The following MRTFB variants were observed in gnomAD, a reference collection of about 807,000 sequenced individuals.
The protein encoded by MRTFB is myocardin-related transcription factor B.
A neutral mutation model predicts 104.2 loss-of-function variants in MRTFB; 29 were observed. The ratio of observed to expected loss-of-function variants is 0.28; its 90% CI spans 0.21 to 0.38. The LOEUF is 0.38. MRTFB is among the 10% of genes least tolerant of loss of function. The pLI is 1.00. For synonymous variants in MRTFB, 535 were observed against 519.5 expected (o/e 1.03, Z -0.41); for missense variants, 1,270 against 1,341.6 (o/e 0.95, Z 0.83).
chr16:14,213,487 A>G (rs2041285112), intron 5 of MRTFB, 58 bp from the exon 6 acceptor site: 3 of 1,256,070 alleles, frequency 2.4e-6, no homozygotes, highest in Admixed American at 2.1e-5. Flanking sequence ...CTTAAAGAAC[A>G]TTTAAAACCA....
chr16:14,265,983 G>C lies in MRTFB; in HGVS notation c.*4539G>C, dbSNP rs937697612. 6 of 152,192 alleles carry C rather than the reference G, an allele frequency of 3.9e-5. No homozygotes were observed. The highest frequency in any genetic ancestry group is 1.4e-4 in the African/African-American group (6 of 41,452). 9.4% of individuals were successfully genotyped at this position (152,192 alleles called of 1,614,324 possible). On this transcript the variant is annotated 3_prime_UTR_variant, in exon 17 of 17. Transcript: ENST00000571589. ...TCTACGTGATGCTGTAAGGAATCTT[G>C]CTAATTTGGTAGGAAGAGGAAGCAT...
chr16:14,016,863 C>T, the MRTFB span, among the ~76,000 whole-genome samples: 4 of 149,296 alleles, frequency 2.7e-5, no homozygotes, highest in Non-Finnish European at 4.4e-5. Flanking sequence ...CAGATGTGAA[C>T]ATGTGATTCA....
chr16:14,160,465 C>T (rs2038987828), intron 3 of MRTFB, among the ~76,000 whole-genome samples: 1 of 152,054 alleles, frequency 6.6e-6, no homozygotes, highest in African/African-American at 2.4e-5. Flanking sequence ...GTGGCATTAC[C>T]CTGTTCCTAC....
chr16:14,095,045 A>C (rs951335418), intron 2 of MRTFB, among the ~76,000 whole-genome samples: 9 of 152,188 alleles, frequency 5.9e-5, no homozygotes, highest in African/African-American at 2.2e-4. Context: ...GTAGGTCTAA[A>C]ATAGTCTTCT....
At chr16:14,116,995 A>G (rs550510384) in intron 2 of MRTFB, among the ~76,000 whole-genome samples, 3 of 152,328 alleles carry the variant, frequency 2.0e-5, no homozygotes, top group African/African-American at 7.2e-5. Context: ...GGATAGACAG[A>G]TGAAGAGTCT....
chr16:14,081,790 C>T (rs1405147717), intron 2 of MRTFB, among the ~76,000 whole-genome samples: 3 of 149,668 alleles, frequency 2.0e-5, no homozygotes, highest in Non-Finnish European at 4.5e-5. Flanking sequence ...CCATGTTGCC[C>T]AGGCTGGTCT....
At chr16:14,243,580 G>A (rs1417143263) in intron 10 of MRTFB, among the ~76,000 whole-genome samples, 1 of 152,148 alleles carries the variant, frequency 6.6e-6, no homozygotes, top group Non-Finnish European at 1.5e-5. Flanking sequence ...TGGGGATCTC[G>A]TTTTAATACT....
At chr16:14,068,853 G>C (rs979448126), upstream of MRTFB, among the ~76,000 whole-genome samples, 36 of 151,054 alleles carry the variant, frequency 2.4e-4, no homozygotes, top group African/African-American at 8.5e-4. Context: ...ATCGCCATCA[G>C]TTGAGGGCCT....
At chr16:14,014,446 T>G in the MRTFB span, among the ~76,000 whole-genome samples, 3 of 151,758 alleles carry the variant, frequency 2.0e-5, no homozygotes, top group African/African-American at 7.3e-5. Context: ...GTCCCAGCTA[T>G]TTGGCAGGCT....
chr16:14,005,195 A>T, the MRTFB span, among the ~76,000 whole-genome samples: 1 of 152,238 alleles, frequency 6.6e-6, no homozygotes, highest in African/African-American at 2.4e-5. Flanking sequence ...GAGCCAGCTT[A>T]TTTCTACATT....
At chr16:14,192,208 C>CA (rs76148090) in intron 3 of MRTFB, among the ~76,000 whole-genome samples, 5,428 of 120,432 alleles carry the variant, frequency 0.045, 107 homozygotes, top group Non-Finnish European at 0.052. Flanking sequence ...TCCGTCTCTA[C>CA]AAAAAAAAAA....
the MRTFB span, among the ~76,000 whole-genome samples, chr16:14,047,335 C>G: frequency 6.6e-6 from 1 of 152,148 alleles, no homozygotes; most frequent in Non-Finnish European, 1.5e-5. Context: ...CAGCTCCAGT[C>G]ATCACCCTTG....
At chr16:14,054,465 C>A in the MRTFB span, among the ~76,000 whole-genome samples, 1 of 152,156 alleles carries the variant, frequency 6.6e-6, no homozygotes, top group Non-Finnish European at 1.5e-5. Flanking sequence ...GATCCACCGT[C>A]CTCAGCCTTC....
intron 3 of MRTFB, chr16:14,187,040 G>A: frequency 6.3e-7 from 1 of 1,592,792 alleles, no homozygotes; most frequent in Non-Finnish European, 8.5e-7. Flanking sequence ...AGGAAGGTCA[G>A]TCTGTCTGTG....
At chr16:14,195,688 C>A in intron 3 of MRTFB, 1 of 414,252 alleles carries the variant, frequency 2.4e-6, no homozygotes, top group Non-Finnish European at 3.2e-6. Flanking sequence ...AACATGAGAA[C>A]ATTCTATACA....
At chr16:14,219,109 GATTT>G (rs2041567423) in intron 8 of MRTFB, 111 bp downstream of exon 8, 2 of 1,148,954 alleles carry the variant, frequency 1.7e-6, no homozygotes, top group African/African-American at 1.6e-5. Context: ...AATTTAAATT[GATTT>G]ATTAAGCAAA....
intron 3 of MRTFB, among the ~76,000 whole-genome samples, chr16:14,184,278 A>C (rs2039870746): frequency 6.8e-6 from 1 of 147,556 alleles, no homozygotes. Flanking sequence ...GCTGGAGTGC[A>C]GTGGCACAAT....
the MRTFB span, among the ~76,000 whole-genome samples, chr16:14,000,522 T>G: frequency 6.6e-6 from 1 of 152,214 alleles, no homozygotes; most frequent in African/African-American, 2.4e-5. Flanking sequence ...TGAAATGATT[T>G]TCCCCAAATC....
At chr16:14,083,006 T>C (rs1469622282) in intron 2 of MRTFB, among the ~76,000 whole-genome samples, 7 of 152,176 alleles carry the variant, frequency 4.6e-5, no homozygotes, top group Non-Finnish European at 8.8e-5. Context: ...TATCTTTCCA[T>C]TTATTTGTGT....
Sources: allele counts gnomAD v4.1 joint callset (sites outside exome capture counted in the v4.1 genomes callset), GRCh38; gene constraint gnomAD v4.1.1; transcripts MANE v1.5; gene names NCBI Gene and HGNC (gene_info 2026-07-23, HGNC 2026-07-21).